NEK11: variants seen among roughly 807,000 people sequenced by gnomAD.
The protein encoded by NEK11 is serine/threonine-protein kinase Nek11.
A neutral mutation model predicts 80.7 loss-of-function variants in NEK11; 72 were observed. The observed-to-expected ratio is 0.89, with a 90% CI of 0.74 to 1.08. The LOEUF (loss-of-function observed/expected upper bound fraction) is 1.08. Among genes scored for constraint, NEK11 ranks in the 50% least tolerant of loss-of-function variants. The pLI is 0.00. For missense variants in NEK11, 764 were observed against 763.6 expected (o/e 1.00, Z -0.01); for synonymous variants, 251 against 260.7 (o/e 0.96, Z 0.36).
intron 5 of NEK11, among the ~76,000 whole-genome samples, chr3:131,130,847 G>T (rs2084314501): frequency 6.6e-6 from 1 of 152,108 alleles, no homozygotes; most frequent in African/African-American, 2.4e-5. Flanking sequence ...TGTCACCCAG[G>T]CTGGAGTGCA....
At chr3:131,344,256 A>G (rs1459644112) in intron 17 of NEK11, among the ~76,000 whole-genome samples, 2 of 152,226 alleles carry the variant, frequency 1.3e-5, no homozygotes, top group Non-Finnish European at 2.9e-5. Context: ...TCCCTAGGGC[A>G]TAGACAGAAT....
intron 3 of NEK11, among the ~76,000 whole-genome samples, chr3:131,033,793 A>G (rs2109357069): frequency 6.6e-6 from 1 of 152,336 alleles, no homozygotes; most frequent in East Asian, 1.9e-4. Flanking sequence ...AACCTACAGT[A>G]CAGACATTAC....
chr3:131,145,515 G>GC (rs1224032191), intron 7 of NEK11, among the ~76,000 whole-genome samples: 1 of 152,084 alleles, frequency 6.6e-6, no homozygotes, highest in Non-Finnish European at 1.5e-5. Flanking sequence ...GTGACGCCCT[G>GC]CATAGCTTGT....
At chr3:131,038,022 A>AT (rs1486842633) in intron 3 of NEK11, among the ~76,000 whole-genome samples, 1 of 151,962 alleles carries the variant, frequency 6.6e-6, no homozygotes, top group African/African-American at 2.4e-5. Flanking sequence ...ATTTCTTTCT[A>AT]TTTTGCCTTG....
intron 17 of NEK11, among the ~76,000 whole-genome samples, chr3:131,332,147 C>T (rs879764679): frequency 2.0e-5 from 3 of 152,220 alleles, no homozygotes; most frequent in African/African-American, 2.4e-5. Context: ...GATCTGAGAA[C>T]GGGCAGACTG....
At chr3:131,171,989 G>GA (rs2092721554) in intron 14 of NEK11, among the ~76,000 whole-genome samples, 1 of 152,144 alleles carries the variant, frequency 6.6e-6, no homozygotes, top group South Asian at 2.1e-4. Context: ...GAAAGAGCTA[G>GA]AAAAAACCAG....
At chr3:131,201,728 T>G (rs1199702725) in intron 14 of NEK11, among the ~76,000 whole-genome samples, 1 of 152,222 alleles carries the variant, frequency 6.6e-6, no homozygotes, top group African/African-American at 2.4e-5. Flanking sequence ...CCAGTCATTT[T>G]TTTTTTTCTT....
chr3:131,254,423 T>C (rs2095766061), intron 16 of NEK11, among the ~76,000 whole-genome samples: 1 of 152,176 alleles, frequency 6.6e-6, no homozygotes, highest in African/African-American at 2.4e-5. Flanking sequence ...AAGGGAAGTT[T>C]CTAAGGGATT....
chr3:131,322,569 A>G (rs944672153), intron 17 of NEK11, among the ~76,000 whole-genome samples: 1 of 152,164 alleles, frequency 6.6e-6, no homozygotes, highest in African/African-American at 2.4e-5. Flanking sequence ...TGCAAACCAG[A>G]GCCTGTGTTT....
chr3:131,211,411 C>A (rs1477013933), intron 14 of NEK11, among the ~76,000 whole-genome samples: 1 of 152,180 alleles, frequency 6.6e-6, no homozygotes. Flanking sequence ...TTTTTTCCTT[C>A]ATTTCAACTT....
At chr3:131,200,664 A>G (rs573660375) in intron 14 of NEK11, among the ~76,000 whole-genome samples, 9 of 152,370 alleles carry the variant, frequency 5.9e-5, no homozygotes, top group African/African-American at 2.2e-4. Context: ...TCAAAGAACC[A>G]AAACTCACCA....
At chr3:131,291,787 G>A (rs144522159) in intron 17 of NEK11, among the ~76,000 whole-genome samples, 2 of 152,110 alleles carry the variant, frequency 1.3e-5, no homozygotes, top group African/African-American at 4.8e-5. Flanking sequence ...TTTTAGTTAG[G>A]TTGTTTGTTA....
At chr3:131,177,103 G>A (rs2093065944) in intron 14 of NEK11, among the ~76,000 whole-genome samples, 1 of 152,174 alleles carries the variant, frequency 6.6e-6, no homozygotes, top group Non-Finnish European at 1.5e-5. Flanking sequence ...TTTAGTTGAT[G>A]AATTTATTTT....
chr3:131,272,474 T>TTTTG, intron 16 of NEK11, among the ~76,000 whole-genome samples: 1 of 124,570 alleles, frequency 8.0e-6, no homozygotes, highest in Non-Finnish European at 1.7e-5. Flanking sequence ...TTTTTTTTTT[T>TTTTG]TTTTTTTTTT....
intron 14 of NEK11, among the ~76,000 whole-genome samples, chr3:131,222,826 T>C (rs1054271284): frequency 2.6e-5 from 4 of 152,136 alleles, no homozygotes; most frequent in African/African-American, 9.7e-5. Flanking sequence ...GACCCAGAGA[T>C]CCGTTTTAAC....
chr3:131,215,244 A>T (rs1304748487), intron 14 of NEK11, among the ~76,000 whole-genome samples: 1 of 135,528 alleles, frequency 7.4e-6, no homozygotes, highest in Admixed American at 7.9e-5. Flanking sequence ...GGTCACAGGA[A>T]GGGGAACATC....
intron 16 of NEK11, among the ~76,000 whole-genome samples, chr3:131,267,131 ACT>A (rs1308221228): frequency 6.6e-6 from 1 of 151,900 alleles, no homozygotes; most frequent in African/African-American, 2.4e-5. Context: ...ATGAGTCTTG[ACT>A]CTCTATCCAA....
At chr3:131,285,762 A>C (rs1013680934) in intron 17 of NEK11, among the ~76,000 whole-genome samples, 2 of 152,192 alleles carry the variant, frequency 1.3e-5, no homozygotes, top group Non-Finnish European at 2.9e-5. Flanking sequence ...TTCTAAATAA[A>C]TAATTTCTGT....
At chr3:131,073,517 CTGTA>C (rs2148947876) in intron 3 of NEK11, among the ~76,000 whole-genome samples, 1 of 152,282 alleles carries the variant, frequency 6.6e-6, no homozygotes, top group African/African-American at 2.4e-5. Flanking sequence ...TGCCTATTAT[CTGTA>C]TGTAATACTC....
Sources: gnomAD v4.1 joint callset for allele counts (sites outside exome capture counted in the v4.1 genomes callset) on GRCh38, gnomAD v4.1.1 for gene constraint, MANE v1.5 for transcripts, NCBI Gene and HGNC (gene_info 2026-07-23, HGNC 2026-07-21) for gene names.